Variants in SLC71A1 observed in about 807,000 individuals in gnomAD.
SLC71A1 encodes the protein solute carrier family 71 member 1.
the SLC71A1 span, among the ~76,000 whole-genome samples, chr1:100,058,380 T>C: frequency 6.6e-6 from 1 of 152,208 alleles, no homozygotes; most frequent in African/African-American, 2.4e-5. Context: ...ACTTACTGAC[T>C]GTAATCTTAG....
the SLC71A1 span, among the ~76,000 whole-genome samples, chr1:100,072,527 C>CT: frequency 6.6e-6 from 1 of 151,938 alleles, no homozygotes; most frequent in East Asian, 1.9e-4. Flanking sequence ...CCCTAGCACC[C>CT]TGAACTGCCA....
the SLC71A1 span, among the ~76,000 whole-genome samples, chr1:100,043,939 T>C: frequency 6.6e-6 from 1 of 152,284 alleles, no homozygotes; most frequent in Non-Finnish European, 1.5e-5. Context: ...ACATTTTCTT[T>C]ATCCACTTGT....
chr1:100,056,733 A>T, the SLC71A1 span, among the ~76,000 whole-genome samples: 1 of 152,224 alleles, frequency 6.6e-6, no homozygotes, highest in African/African-American at 2.4e-5. Context: ...ATCATATGGT[A>T]GCTCCATTTT....
the SLC71A1 span, among the ~76,000 whole-genome samples, chr1:100,066,719 G>A: frequency 4.6e-5 from 7 of 152,136 alleles, no homozygotes; most frequent in Non-Finnish European, 7.4e-5. Context: ...GCCGGGCATG[G>A]TGGCTCACGC....
the SLC71A1 span, among the ~76,000 whole-genome samples, chr1:100,063,349 G>A: frequency 1.3e-5 from 2 of 152,106 alleles, no homozygotes. Context: ...GAAAAAAGGT[G>A]GGGAAGTGGC....
At chr1:100,074,869 C>T in the SLC71A1 span, among the ~76,000 whole-genome samples, 3 of 151,922 alleles carry the variant, frequency 2.0e-5, no homozygotes, top group East Asian at 3.9e-4. Context: ...AGCGAGACTC[C>T]GTCTCAAAAG....
chr1:100,058,327 T>C, the SLC71A1 span, among the ~76,000 whole-genome samples: 1 of 152,206 alleles, frequency 6.6e-6, no homozygotes, highest in South Asian at 2.1e-4. Flanking sequence ...AAACATAGGC[T>C]TTCAAGTCTG....
At chr1:100,055,103 T>C in the SLC71A1 span, among the ~76,000 whole-genome samples, 1 of 152,228 alleles carries the variant, frequency 6.6e-6, no homozygotes, top group African/African-American at 2.4e-5. Flanking sequence ...AGTGATAAGA[T>C]CTAGCATAGT....
the SLC71A1 span, chr1:100,068,323 T>C: frequency 1.1e-6 from 1 of 951,074 alleles, no homozygotes; most frequent in Non-Finnish European, 1.6e-6. Flanking sequence ...TGAAATACTT[T>C]TCAGAATAGT....
At chr1:100,077,412 T>C in the SLC71A1 span, 1 of 587,400 alleles carries the variant, frequency 1.7e-6, no homozygotes, top group Non-Finnish European at 3.0e-6. Flanking sequence ...GTGTCTAATA[T>C]AAGTCTGCCA....
At chr1:100,071,829 AG>A in the SLC71A1 span, among the ~76,000 whole-genome samples, 7,385 of 152,260 alleles carry the variant, frequency 0.049, 206 homozygotes, top group African/African-American at 0.067. Context: ...ATCTGGCACT[AG>A]GTTACAAGAT....
At chr1:100,051,726 A>G in the SLC71A1 span, among the ~76,000 whole-genome samples, 3 of 152,180 alleles carry the variant, frequency 2.0e-5, no homozygotes, top group African/African-American at 7.2e-5. Flanking sequence ...AGTTTAACAT[A>G]CAAATCTGTC....
At chr1:100,051,458 G>T in the SLC71A1 span, among the ~76,000 whole-genome samples, 67 of 134,020 alleles carry the variant, frequency 5.0e-4, no homozygotes, top group African/African-American at 1.7e-3. Flanking sequence ...ATATCAGAGG[G>T]TTTTTTTTTT....
At chr1:100,038,136 G>C in the SLC71A1 span, 1 of 1,105,386 alleles carries the variant, frequency 9.0e-7, no homozygotes, top group East Asian at 2.6e-5. Context: ...GGCGCCCAGA[G>C]CGGCTCGGCC....
At chr1:100,058,793 A>T in the SLC71A1 span, 1 of 822,024 alleles carries the variant, frequency 1.2e-6, no homozygotes, top group Non-Finnish European at 2.0e-6. Flanking sequence ...ACACGGATGA[A>T]CATACATAAA....
At chr1:100,060,050 T>C in the SLC71A1 span, 32 of 1,513,160 alleles carry the variant, frequency 2.1e-5, no homozygotes, top group African/African-American at 2.5e-4. Context: ...CACTTTCAGC[T>C]ATTGTTTTCT....
At chr1:100,056,606 G>A in the SLC71A1 span, among the ~76,000 whole-genome samples, 6 of 152,202 alleles carry the variant, frequency 3.9e-5, no homozygotes, top group East Asian at 5.8e-4. Context: ...GCCCAACTCC[G>A]TCTCAAACAA....
chr1:100,063,484 A>G, the SLC71A1 span, among the ~76,000 whole-genome samples: 1 of 151,834 alleles, frequency 6.6e-6, no homozygotes, highest in African/African-American at 2.4e-5. Context: ...TAGGGTACAG[A>G]GTGAGACCCT....
At chr1:100,072,386 G>A in the SLC71A1 span, among the ~76,000 whole-genome samples, 22 of 152,132 alleles carry the variant, frequency 1.4e-4, no homozygotes, top group East Asian at 3.5e-3. Flanking sequence ...GCTCATGTGC[G>A]CATATCTCCA....
Sources: allele counts gnomAD v4.1 joint callset (sites outside exome capture counted in the v4.1 genomes callset), GRCh38; gene constraint gnomAD v4.1.1; transcripts MANE v1.5; gene names NCBI Gene and HGNC (gene_info 2026-07-23, HGNC 2026-07-21).